The following HDAC4 variants were observed in gnomAD, a reference collection of about 807,000 sequenced individuals.
HDAC4 encodes the protein histone deacetylase 4.
A neutral mutation model predicts 135.1 loss-of-function variants in HDAC4; 16 were observed. The observed-to-expected ratio is 0.12, with a 90% CI of 0.08 to 0.18. The LOEUF (loss-of-function observed/expected upper bound fraction) is 0.18. Ranked by LOEUF, HDAC4 falls within the 10% of genes least tolerant of loss-of-function variation. HDAC4 has a pLI of 1.00. For synonymous variants in HDAC4, 685 were observed against 653.4 expected, an observed-to-expected ratio of 1.05 and a Z score of -0.74; for missense variants, 1,143 against 1,511.8, an observed-to-expected ratio of 0.76 and a Z score of 4.05.
chr2:239,069,433 A>G, intron 22 of HDAC4, among the ~76,000 whole-genome samples: 1 of 104,584 alleles, frequency 9.6e-6, no homozygotes, highest in Non-Finnish European at 2.0e-5. Context: ...AGCAAGCCCC[A>G]CGACACTTGC....
intron 1 of HDAC4, among the ~76,000 whole-genome samples, chr2:239,362,234 T>C (rs1693912875): frequency 6.6e-6 from 1 of 152,148 alleles, no homozygotes; most frequent in Non-Finnish European, 1.5e-5. Flanking sequence ...TAAAGACATC[T>C]CTCTCTTTTC....
rs2044800702 is a variant in HDAC4 at position 239,189,859 on chromosome 2, CGTGCTGCCGGG to C, written c.302_312del (p.Ser101Ter). ...TTGATGTGCTCGTGGAGCTGCGCCT[CGTGCTGCCGGG>C]AGAGCTGCTCGTGCTGCCTCTGGAA... On this transcript the variant is annotated frameshift_variant, in exon 4 of 27. Transcript: ENST00000543185. LOFTEE classifies it high-confidence loss of function. 1 of 1,608,812 alleles carries C rather than the reference CGTGCTGCCGGG, an allele frequency of 6.2e-7. No homozygotes were observed. Among genetic ancestry groups the C allele is most frequent in the African/African-American group, 1.3e-5 (1 of 74,846 alleles).
chr2:239,258,406 G>A (rs146759127), intron 2 of HDAC4, among the ~76,000 whole-genome samples: 30 of 152,246 alleles, frequency 2.0e-4, no homozygotes, highest in East Asian at 1.5e-3. Flanking sequence ...AAAAACGGCC[G>A]TGGAGGGGGA....
Position 239,087,384 on chromosome 2 carries a change from T to C in HDAC4, c.2444+175A>G, listed in dbSNP as rs2279271. ...TAACCGAGCAGTGATGCTCGCAGAC[T>C]TTGGCATCTGCACTCCACACCCAGG... On this transcript the variant is annotated intron_variant, in intron 19 of 26. Coordinates refer to ENST00000543185, the MANE Select transcript of HDAC4 (RefSeq NM_001378414.1). 0.27 allele frequency among the ~76,000 whole-genome samples: 41,065 copies of C among 152,132 alleles called. 5,832 individuals are homozygous for C. The highest frequency in any genetic ancestry group is 0.34 in the African/African-American group (14,154 of 41,506).
At chr2:239,337,519 G>A (rs1472995339) in intron 2 of HDAC4, among the ~76,000 whole-genome samples, 8 of 152,164 alleles carry the variant, frequency 5.3e-5, no homozygotes, top group Non-Finnish European at 1.2e-4. Flanking sequence ...TCCGGCAAGC[G>A]AGGAAATCAA....
intron 1 of HDAC4, among the ~76,000 whole-genome samples, chr2:239,383,195 C>T (rs980249438): frequency 4.6e-5 from 7 of 152,286 alleles, no homozygotes; most frequent in African/African-American, 1.2e-4. Flanking sequence ...GCTTGTTTCC[C>T]GTGGCCACCC....
At position 239,053,525 on chromosome 2, in the gene HDAC4, G is replaced by C; in HGVS notation, c.3165C>G (p.Asn1055Lys). 1.2e-6 allele frequency: 2 copies of C among 1,613,894 alleles called. No individual in the cohort carries two copies. The highest frequency in any genetic ancestry group is 1.7e-6 in the Non-Finnish European group (2 of 1,179,998). ...RSLIEAQTCE[N>K]EEAETVTAMA... The stretch of plus-strand genomic sequence containing the variant: ...TGGCGGTGACCGTCTCGGCTTCTTC[G>C]TTCTCGCAAGTCTGAGCCTCGATCA... The change falls in exon 26 of 27, where the codon AAC (asparagine) becomes AAG (lysine). Residue 1055 changes from asparagine to lysine, a missense_variant. Asn to Lys is a moderately conservative substitution (Grantham distance 94). Coordinates refer to ENST00000543185, the MANE Select transcript of HDAC4 (RefSeq NM_001378414.1).
intron 1 of HDAC4, among the ~76,000 whole-genome samples, chr2:239,368,836 T>C (rs144075084): frequency 1.3e-3 from 194 of 152,326 alleles, no homozygotes; most frequent in African/African-American, 4.6e-3. Flanking sequence ...TTCCAGGTGA[T>C]AGCCCAAGTT....
chr2:239,207,931 T>C (rs879769784), intron 3 of HDAC4, among the ~76,000 whole-genome samples: 11 of 152,090 alleles, frequency 7.2e-5, no homozygotes, highest in Admixed American at 5.9e-4. Flanking sequence ...TGGTCATAAA[T>C]ACAGTCACAA....
intron 16 of HDAC4, among the ~76,000 whole-genome samples, chr2:239,098,223 C>G (rs956991353): frequency 2.0e-5 from 3 of 152,252 alleles, no homozygotes; most frequent in African/African-American, 7.2e-5. Flanking sequence ...GCCCAGCGGC[C>G]TCCTGTGGTT....
At chr2:239,266,746 G>C (rs1240610742) in intron 2 of HDAC4, among the ~76,000 whole-genome samples, 2 of 151,918 alleles carry the variant, frequency 1.3e-5, no homozygotes, top group Admixed American at 1.3e-4. Context: ...GTAGCCCAAA[G>C]GGGACTGTGA....
At position 239,285,361 on chromosome 2, in the gene HDAC4, G is replaced by A. The variant is rs72990746; in HGVS notation, c.23-48697C>T. 6.6e-6 allele frequency among the ~76,000 whole-genome samples: 1 copy of A among 152,260 alleles called. No individual in the cohort carries two copies. The highest frequency in any genetic ancestry group is 1.5e-5 in the Non-Finnish European group (1 of 68,020). On this transcript the variant is annotated intron_variant, in intron 2 of 26. Transcript: ENST00000543185. This position sits in a 1 kb window ranked among gnomAD's most constrained non-coding sequence, Gnocchi z 4.5. ...TGCAGCGTGGCCAGAATGCTGAGCC[G>A]GTGCTCTTCCCTGGCATCCTGCACT...
At chr2:239,294,971 T>C (rs1033582373) in intron 2 of HDAC4, among the ~76,000 whole-genome samples, 1 of 152,210 alleles carries the variant, frequency 6.6e-6, no homozygotes, top group Non-Finnish European at 1.5e-5. Context: ...ATAAGACTTT[T>C]AGTGCTAGGG....
chr2:239,129,504 C>T (rs113539949), intron 11 of HDAC4, among the ~76,000 whole-genome samples: 12 of 152,314 alleles, frequency 7.9e-5, no homozygotes, highest in African/African-American at 2.4e-4. Context: ...CTCTGGGCTC[C>T]TCCCCTGGGC....
rs1696909169 is a variant in HDAC4, at chr2:239,400,567, G to T, written c.-220+411C>A. 6.9e-6 allele frequency: 1 copy of T among 145,564 alleles called. No individual in the cohort carries two copies. The highest frequency in any genetic ancestry group is 2.1e-4 in the South Asian group (1 of 4,812). The allele number at this position is 145,564 out of a possible 1,614,324, so 9.0% of individuals were successfully genotyped here. A position where few individuals can be genotyped will look rare whatever the true frequency, so the allele number is the denominator to read the frequency against. ...GCGCTGGCCCCCGCCTCCCACGGCC[G>T]CGCGCGGGGCGGGTGTGGACCGGCG... On this transcript the variant is annotated intron_variant, in intron 1 of 26. Transcript: ENST00000543185. The surrounding 1 kb of genome is among the most constrained non-coding windows in gnomAD (Gnocchi z 4.7).
intron 2 of HDAC4, among the ~76,000 whole-genome samples, chr2:239,249,543 C>T (rs1028168437): frequency 3.3e-5 from 5 of 151,998 alleles, no homozygotes; most frequent in East Asian, 1.9e-4. Context: ...GCAAACAGTA[C>T]GTCTAAACCT....
intron 20 of HDAC4, 54 bp downstream of exon 20, chr2:239,084,101 C>T (rs937038912): frequency 2.1e-5 from 27 of 1,286,576 alleles, no homozygotes; most frequent in African/African-American, 1.8e-4. Flanking sequence ...GCTGTCCGCT[C>T]GGGGACGGCA....
intron 4 of HDAC4, chr2:239,186,451 A>C (rs933460165): frequency 6.6e-6 from 1 of 152,376 alleles, no homozygotes; most frequent in Non-Finnish European, 1.5e-5. Flanking sequence ...ACCACTATGT[A>C]GTTCAAATGG....
chr2:239,317,564 T>A (rs1004030101), intron 2 of HDAC4, among the ~76,000 whole-genome samples: 2 of 152,138 alleles, frequency 1.3e-5, no homozygotes, highest in Non-Finnish European at 2.9e-5. Flanking sequence ...TTGGCCAAAC[T>A]GGAACAATTT....
Sources: allele counts gnomAD v4.1 joint callset (sites outside exome capture counted in the v4.1 genomes callset), GRCh38; gene constraint gnomAD v4.1.1; non-coding constraint Gnocchi (gnomAD v3.1); transcripts MANE v1.5; gene names NCBI Gene and HGNC (gene_info 2026-07-23, HGNC 2026-07-21).